Variants in LYST observed in about 807,000 individuals in gnomAD.
The protein encoded by LYST is lysosomal trafficking regulator.
Under a neutral mutation model 413.6 loss-of-function variants are expected in LYST, and 192 were observed. The observed-to-expected ratio is 0.46, with a 90% CI of 0.41 to 0.52. The LOEUF is 0.52. LYST is among the 20% of genes least tolerant of loss of function. LYST has a pLI of 0.00. For synonymous variants in LYST, 1,525 were observed against 1,567.3 expected (o/e 0.97, Z 0.64); for missense variants, 3,815 against 4,499.9 (o/e 0.85, Z 4.35).
At chr1:235,882,861 C>T (rs938674419) in intron 1 of LYST, among the ~76,000 whole-genome samples, 40 of 152,276 alleles carry the variant, frequency 2.6e-4, no homozygotes, top group Non-Finnish European at 4.1e-4. Context: ...CGCCATGACC[C>T]AGACAAATAA....
rs375070177 is a variant in LYST, at chr1:235,769,768, A to G, written c.5922+392T>C. Among the ~76,000 whole-genome samples the G allele has an allele frequency of 1.1e-3, 175 of 152,292 alleles. 2 individuals carry two copies. The South Asian group carries it at 0.034, about 29-fold the overall frequency. Reference sequence around the variant, plus strand: ...TAAAATGCTAATTCTAGCATATAAAATAGACCGTTAGCAAGTTTATATTTA... The same window carrying G: ...TAAAATGCTAATTCTAGCATATAAAGTAGACCGTTAGCAAGTTTATATTTA... On this transcript the variant is annotated intron_variant, in intron 20 of 52. Coordinates refer to ENST00000389793, the MANE Select transcript of LYST (RefSeq NM_000081.4).
At chr1:235,847,288 A>T (rs1572442291) in intron 1 of LYST, among the ~76,000 whole-genome samples, 1 of 152,364 alleles carries the variant, frequency 6.6e-6, no homozygotes, top group South Asian at 2.1e-4. Flanking sequence ...AGCATCATAT[A>T]TGAAGGAAAG....
At chr1:235,792,170 A>G in intron 11 of LYST, 45 bp from the exon 12 acceptor site, 1 of 1,236,548 alleles carries the variant, frequency 8.1e-7, no homozygotes, top group Non-Finnish European at 1.2e-6. Context: ...TCACGTAATA[A>G]AGTACATAAT....
Position 235,854,352 on chromosome 1 carries a change from T to C in LYST, c.-98+12491A>G, listed in dbSNP as rs1475004630. Among the ~76,000 whole-genome samples, 1 of 152,216 alleles carries C rather than the reference T, an allele frequency of 6.6e-6. No homozygotes were observed. Among genetic ancestry groups the C allele is most frequent in the Non-Finnish European group, 1.5e-5 (1 of 68,032 alleles). ...AGGGCCAGGATTCAGACTCATGCAA[T>C]CCCTTTGTATTCTATATACAAATTT... On this transcript the variant is annotated intron_variant, in intron 1 of 52. Coordinates refer to ENST00000389793, the MANE Select transcript of LYST (RefSeq NM_000081.4). The surrounding 1 kb of genome is among the most constrained non-coding windows in gnomAD (Gnocchi z 4.1).
intron 50 of LYST, among the ~76,000 whole-genome samples, chr1:235,666,022 T>C (rs1333112587): frequency 2.0e-5 from 3 of 152,070 alleles, no homozygotes; most frequent in African/African-American, 7.3e-5. Context: ...TGCTTCTGTC[T>C]TTTATTAAGA....
At position 235,786,090 on chromosome 1, in the gene LYST, G is replaced by A. The variant is rs984011309; in HGVS notation, c.4862+1110C>T. On this transcript the variant is annotated intron_variant, in intron 14 of 52. Coordinates refer to ENST00000389793, the MANE Select transcript of LYST (RefSeq NM_000081.4). ...GCCACTTAATTTAAATAATTATCACGGCTTCAGTTTTATAATATATGGGCT... is the reference window on the plus strand; with the variant it reads ...GCCACTTAATTTAAATAATTATCACAGCTTCAGTTTTATAATATATGGGCT... 4.6e-5 allele frequency among the ~76,000 whole-genome samples: 7 copies of A among 152,004 alleles called. No individual in the cohort carries two copies. The East Asian group carries it at 1.2e-3, about 25-fold the overall frequency.
rs1226595013 is a variant in LYST, at chr1:235,674,599, A to G, written c.11038+2492T>C. Among the ~76,000 whole-genome samples, 1 of 152,218 alleles carries G rather than the reference A, an allele frequency of 6.6e-6. No individual in the cohort carries two copies. Among genetic ancestry groups the G allele is most frequent in the Non-Finnish European group, 1.5e-5 (1 of 68,038 alleles). On this transcript the variant is annotated intron_variant, in intron 50 of 52. Transcript: ENST00000389793. This position sits in a 1 kb window ranked among gnomAD's most constrained non-coding sequence, Gnocchi z 4.1. ...ATAAATTACGTTTATTATAATCAAC[A>G]GTGGTTTGCTAACTATACTAGGGAT... is the stretch of plus-strand genomic sequence containing the variant.
intron 50 of LYST, among the ~76,000 whole-genome samples, chr1:235,672,222 G>A (rs1658998261): frequency 6.6e-6 from 1 of 152,194 alleles, no homozygotes; most frequent in Non-Finnish European, 1.5e-5. Context: ...TCCAAGTCTG[G>A]ATTTCAGGGT....
intron 42 of LYST, among the ~76,000 whole-genome samples, chr1:235,713,792 A>C (rs1408743163): frequency 6.6e-6 from 1 of 152,236 alleles, no homozygotes; most frequent in Non-Finnish European, 1.5e-5. Context: ...TCAAAAGCCA[A>C]CAGATATCAC....
At chr1:235,852,856 G>T (rs1010383015) in intron 1 of LYST, 16 of 167,026 alleles carry the variant, frequency 9.6e-5, no homozygotes, top group Admixed American at 4.6e-4. Context: ...AAAAGTCAGA[G>T]GACTTAACAG....
chr1:235,729,696 C>A, intron 36 of LYST, 39 bp from the exon 37 acceptor site: 1 of 1,398,770 alleles, frequency 7.1e-7, no homozygotes, highest in South Asian at 1.2e-5. Context: ...ACTAAATGTT[C>A]TGACCAATTT....
intron 1 of LYST, among the ~76,000 whole-genome samples, chr1:235,836,318 T>A (rs1453276170): frequency 2.0e-5 from 3 of 152,202 alleles, no homozygotes; most frequent in Non-Finnish European, 2.9e-5. Context: ...CATCATGTAT[T>A]ATAGTGAGGT....
chr1:235,800,725 C>G, intron 9 of LYST, 146 bp downstream of exon 9: 1 of 633,242 alleles, frequency 1.6e-6, no homozygotes, highest in South Asian at 2.0e-5. Context: ...TTTGGAATAC[C>G]ACTTGTAGGT....
chr1:235,850,181 T>C (rs746610625), intron 1 of LYST, among the ~76,000 whole-genome samples: 1 of 152,140 alleles, frequency 6.6e-6, no homozygotes. Context: ...AATAGGCACA[T>C]AGACCAATGG....
chr1:235,682,959 T>C (rs1659939336), intron 48 of LYST, among the ~76,000 whole-genome samples: 1 of 152,206 alleles, frequency 6.6e-6, no homozygotes, highest in South Asian at 2.1e-4. Flanking sequence ...TGGGCCAATA[T>C]TTTCCTAAAG....
chr1:235,856,221 T>C (rs895357352), intron 1 of LYST, among the ~76,000 whole-genome samples: 5 of 152,160 alleles, frequency 3.3e-5, no homozygotes, highest in African/African-American at 9.7e-5. Context: ...ATAAGGAAAT[T>C]ACATATTGAA....
chr1:235,763,015 C>T (rs758885633), intron 21 of LYST, among the ~76,000 whole-genome samples, 164 bp from the exon 22 acceptor site: 2 of 152,170 alleles, frequency 1.3e-5, no homozygotes, highest in African/African-American at 4.8e-5. Context: ...TGAATACTTA[C>T]TCTTCACAAT....
rs1055896488 is a variant in LYST at position 235,682,097 on chromosome 1, C to A, written c.10801-4478G>T. Among the ~76,000 whole-genome samples the A allele has an allele frequency of 1.1e-3, 168 of 152,206 alleles. 2 individuals are homozygous for A. The highest frequency in any genetic ancestry group is 3.9e-3 in the African/African-American group (164 of 41,524). On this transcript the variant is annotated intron_variant, in intron 48 of 52. Coordinates refer to ENST00000389793, the MANE Select transcript of LYST (RefSeq NM_000081.4). ...AGGCTGAGGCAGGAGGATTGTTGAG[C>A]CCAGGAGCTCGAGAATAGCCTGAGC...
At chr1:235,669,626 G>T (rs1201001893) in intron 50 of LYST, among the ~76,000 whole-genome samples, 2 of 152,158 alleles carry the variant, frequency 1.3e-5, no homozygotes, top group Admixed American at 1.3e-4. Flanking sequence ...ACTGATTGTG[G>T]GATACCACTT....
Sources: allele counts gnomAD v4.1 joint callset (sites outside exome capture counted in the v4.1 genomes callset), GRCh38; gene constraint gnomAD v4.1.1; non-coding constraint Gnocchi (gnomAD v3.1); transcripts MANE v1.5; gene names NCBI Gene and HGNC (gene_info 2026-07-23, HGNC 2026-07-21).